Variants in QNG1 observed in about 807,000 individuals in gnomAD.
QNG1 encodes queuosine 5'-phosphate N-glycosylase/hydrolase.
the QNG1 span, among the ~76,000 whole-genome samples, chr9:83,943,759 C>T: frequency 6.6e-6 from 1 of 152,192 alleles, no homozygotes; most frequent in African/African-American, 2.4e-5. Flanking sequence ...TGGTGGCTCA[C>T]ACCTGTAATC....
the QNG1 span, chr9:83,955,499 A>T: frequency 1.2e-6 from 2 of 1,614,202 alleles, no homozygotes; most frequent in South Asian, 2.2e-5. Context: ...AAACTTCTCC[A>T]GCAGAATTTT....
At chr9:83,956,591 T>G in the QNG1 span, 2 of 1,082,806 alleles carry the variant, frequency 1.8e-6, no homozygotes, top group East Asian at 2.5e-5. Context: ...AACCGCGCGA[T>G]CACAGGGCCT....
At chr9:83,946,920 A>G in the QNG1 span, among the ~76,000 whole-genome samples, 1 of 148,316 alleles carries the variant, frequency 6.7e-6, no homozygotes, top group African/African-American at 2.5e-5. Context: ...TTTTTTTTTT[A>G]ATTAGCCAGG....
At chr9:83,942,062 C>T in the QNG1 span, among the ~76,000 whole-genome samples, 1 of 152,148 alleles carries the variant, frequency 6.6e-6, no homozygotes, top group Non-Finnish European at 1.5e-5. Flanking sequence ...TTCCCAAGAG[C>T]CTTTAGAGGA....
chr9:83,946,929 G>A, the QNG1 span, among the ~76,000 whole-genome samples: 1 of 151,542 alleles, frequency 6.6e-6, no homozygotes, highest in Non-Finnish European at 1.5e-5. Flanking sequence ...TAATTAGCCA[G>A]GCGTGGTGGC....
At chr9:83,948,443 C>T in the QNG1 span, among the ~76,000 whole-genome samples, 9 of 143,210 alleles carry the variant, frequency 6.3e-5, no homozygotes, top group East Asian at 8.5e-4. Context: ...GCAGCCCCCC[C>T]GCCCGGCCAG....
At chr9:83,945,705 C>T in the QNG1 span, among the ~76,000 whole-genome samples, 212 of 152,084 alleles carry the variant, frequency 1.4e-3, no homozygotes, top group Non-Finnish European at 2.5e-3. Flanking sequence ...GGGTTCACGC[C>T]ATTCTCCTGC....
the QNG1 span, chr9:83,955,382 TCAAA>T: frequency 8.7e-6 from 14 of 1,612,794 alleles, no homozygotes; most frequent in African/African-American, 2.7e-5. Context: ...GCAACTCACC[TCAAA>T]CAGAGTCACA....
At chr9:83,948,775 G>A in the QNG1 span, among the ~76,000 whole-genome samples, 1 of 152,218 alleles carries the variant, frequency 6.6e-6, no homozygotes, top group African/African-American at 2.4e-5. Flanking sequence ...TTGGGATGCT[G>A]TTAATCTATA....
the QNG1 span, chr9:83,939,660 G>A: frequency 2.7e-5 from 44 of 1,614,010 alleles, no homozygotes; most frequent in Admixed American, 1.7e-5. Flanking sequence ...AGCTCCAGAA[G>A]ACAATCCCGG....
At chr9:83,943,362 A>C in the QNG1 span, among the ~76,000 whole-genome samples, 1 of 149,476 alleles carries the variant, frequency 6.7e-6, no homozygotes, top group Non-Finnish European at 1.5e-5. Context: ...AAAAAAAGAA[A>C]GAACACTGGA....
At chr9:83,950,883 G>C in the QNG1 span, among the ~76,000 whole-genome samples, 968 of 152,168 alleles carry the variant, frequency 6.4e-3, 5 homozygotes, top group South Asian at 0.014. Flanking sequence ...TTACAGGAAA[G>C]AGCCATCGCA....
the QNG1 span, among the ~76,000 whole-genome samples, chr9:83,952,164 T>C: frequency 6.6e-6 from 1 of 151,952 alleles, no homozygotes; most frequent in Non-Finnish European, 1.5e-5. Context: ...TTTAAATTTT[T>C]TGTAGAAATG....
the QNG1 span, chr9:83,939,783 T>G: frequency 7.4e-7 from 1 of 1,355,886 alleles, no homozygotes; most frequent in African/African-American, 1.4e-5. Flanking sequence ...TAATAGTCAA[T>G]GATACATAAT....
chr9:83,944,222 T>C, the QNG1 span, among the ~76,000 whole-genome samples: 33 of 152,232 alleles, frequency 2.2e-4, no homozygotes, highest in Non-Finnish European at 4.3e-4. Context: ...AATCATATAA[T>C]TATTTTCCTC....
chr9:83,945,824 G>A, the QNG1 span, among the ~76,000 whole-genome samples: 3 of 151,860 alleles, frequency 2.0e-5, no homozygotes, highest in East Asian at 3.9e-4. Context: ...GGATGGTCTC[G>A]ATCTCCTGAC....
At chr9:83,944,723 CT>C in the QNG1 span, 1 of 1,242,056 alleles carries the variant, frequency 8.1e-7, no homozygotes, top group Non-Finnish European at 1.1e-6. Context: ...CAAAGGAGAC[CT>C]TTTGTAAAAG....
At chr9:83,952,853 A>T in the QNG1 span, among the ~76,000 whole-genome samples, 12 of 149,778 alleles carry the variant, frequency 8.0e-5, no homozygotes, top group Non-Finnish European at 1.8e-4. Flanking sequence ...CTGGAATCCC[A>T]GCTACTCGGA....
chr9:83,951,759 T>C, the QNG1 span, among the ~76,000 whole-genome samples: 2 of 152,180 alleles, frequency 1.3e-5, no homozygotes, highest in Non-Finnish European at 1.5e-5. Flanking sequence ...AAAATAGCTC[T>C]TCTTTCACCT....
Sources: allele counts gnomAD v4.1 joint callset (sites outside exome capture counted in the v4.1 genomes callset), GRCh38; gene constraint gnomAD v4.1.1; transcripts MANE v1.5; gene names NCBI Gene and HGNC (gene_info 2026-07-23, HGNC 2026-07-21).